Variants in XIRP2 observed in about 807,000 individuals in gnomAD.
XIRP2 encodes the protein xin actin-binding repeat-containing protein 2.
XIRP2 carries 236 observed loss-of-function variants against 277.0 expected under a neutral mutation model. That is an observed-to-expected ratio of 0.85 (90% confidence interval 0.77 to 0.95). The LOEUF is 0.95. Ranked by LOEUF, XIRP2 falls within the 40% of genes least tolerant of loss-of-function variation. XIRP2 has a pLI of 0.00. For missense variants in XIRP2, 4,640 were observed against 4,157.5 expected (o/e 1.12, Z -3.19); for synonymous variants, 1,490 against 1,416.5 (o/e 1.05, Z -1.17).
intron 2 of XIRP2, among the ~76,000 whole-genome samples, chr2:166,971,843 C>T (rs1336028635): frequency 6.6e-6 from 1 of 152,148 alleles, no homozygotes; most frequent in African/African-American, 2.4e-5. Context: ...TAGTTACCAA[C>T]TTGGGTGAAG....
intron 2 of XIRP2, among the ~76,000 whole-genome samples, chr2:167,055,457 G>T (rs1689017016): frequency 6.6e-6 from 1 of 152,110 alleles, no homozygotes; most frequent in South Asian, 2.1e-4. Flanking sequence ...TATTATATGG[G>T]TCATTTCATT....
At chr2:167,140,721 A>T (rs552641602) in intron 3 of XIRP2, 1 of 152,358 alleles carries the variant, frequency 6.6e-6, no homozygotes, top group East Asian at 1.9e-4. Flanking sequence ...TCACCATCTA[A>T]AACAATTCTG....
intron 2 of XIRP2, among the ~76,000 whole-genome samples, chr2:167,015,820 C>T (rs988408024): frequency 3.3e-5 from 5 of 151,812 alleles, no homozygotes; most frequent in Non-Finnish European, 5.9e-5. Flanking sequence ...CCTAAGTTGT[C>T]TTCTTCTGTC....
At chr2:167,136,858 A>G (rs1370388288) in intron 3 of XIRP2, among the ~76,000 whole-genome samples, 1 of 152,222 alleles carries the variant, frequency 6.6e-6, no homozygotes, top group African/African-American at 2.4e-5. Context: ...AGTCCATGTG[A>G]GCAATGTGGA....
At chr2:167,240,249 T>G (rs1307511716) in intron 6 of XIRP2, among the ~76,000 whole-genome samples, 2 of 151,922 alleles carry the variant, frequency 1.3e-5, no homozygotes, top group Non-Finnish European at 2.9e-5. Context: ...CTGTCTCTAC[T>G]AAAAATACAA....
intron 10 of XIRP2, among the ~76,000 whole-genome samples, chr2:167,255,282 A>T (rs1436034256): frequency 6.6e-6 from 1 of 151,842 alleles, no homozygotes; most frequent in Non-Finnish European, 1.5e-5. Flanking sequence ...TCAATGACTG[A>T]TATACTTCTC....
intron 2 of XIRP2, among the ~76,000 whole-genome samples, chr2:167,032,818 A>G (rs568389273): frequency 6.6e-6 from 1 of 152,326 alleles, no homozygotes; most frequent in East Asian, 1.9e-4. Flanking sequence ...AGATGTGGAG[A>G]AACAGGAATG....
intron 3 of XIRP2, among the ~76,000 whole-genome samples, chr2:167,176,907 G>C (rs1340947089): frequency 1.3e-5 from 2 of 152,138 alleles, no homozygotes; most frequent in Non-Finnish European, 2.9e-5. Flanking sequence ...GGAGGGATGT[G>C]TCTGTCTGCT....
Position 167,245,372 on chromosome 2 carries a change from G to A in XIRP2, c.3980G>A (p.Arg1327Gln), listed in dbSNP as rs755182993. 3.4e-5 allele frequency: 55 copies of A among 1,613,542 alleles called. No individual in the cohort carries two copies. The highest frequency in any genetic ancestry group is 3.1e-5 in the Non-Finnish European group (36 of 1,179,736). ...ETQPLYAIQD[R>Q]EGSYHEVTTV... is the part of the protein sequence containing the mutation. ...CAGCCACTCTATGCAATTCAAGACC[G>A]AGAAGGGTCCTATCATGAAGTGACC... The change falls in exon 9 of 11, where the codon CGA becomes CAA. Residue 1327 changes from arginine (R) to glutamine (Q), a missense_variant. Transcript: ENST00000409195.
chr2:167,180,925 T>A (rs1199679662), intron 3 of XIRP2, among the ~76,000 whole-genome samples: 1 of 152,230 alleles, frequency 6.6e-6, no homozygotes, highest in East Asian at 1.9e-4. Flanking sequence ...AAATCTTGAA[T>A]TACTGATACT....
Position 167,259,046 on chromosome 2 carries a change from C to T in XIRP2, c.*1229C>T. 6.2e-7 allele frequency: 1 copy of T among 1,610,344 alleles called. No homozygotes were observed. The highest frequency in any genetic ancestry group is 1.3e-5 in the African/African-American group (1 of 74,894). On this transcript the variant is annotated 3_prime_UTR_variant, in exon 11 of 11. Transcript: ENST00000409195. ...AAGCCATTCAAAGAGCAAAAATTTA[C>T]ACTTTTTCTTTTCTAACACCGTGAA...
intron 2 of XIRP2, among the ~76,000 whole-genome samples, chr2:167,067,737 GT>G (rs1689335906): frequency 1.3e-5 from 2 of 152,182 alleles, no homozygotes; most frequent in African/African-American, 4.8e-5. Context: ...CCTTCAATCT[GT>G]GAAAAATGCA....
chr2:166,985,818 C>T (rs555685378), intron 2 of XIRP2, among the ~76,000 whole-genome samples: 26 of 151,906 alleles, frequency 1.7e-4, no homozygotes, highest in African/African-American at 6.0e-4. Context: ...GAAAAAAAAA[C>T]CCATAATAAC....
In XIRP2 at chr2:167,136,953, G is replaced by A. The variant is rs369385339; in HGVS notation, c.562+891G>A. Among the ~76,000 whole-genome samples the A allele has an allele frequency of 7.2e-5, 11 of 152,308 alleles. No homozygotes were observed. In the East Asian group the frequency reaches 1.4e-3, roughly 19 times the overall value. On this transcript the variant is annotated intron_variant, in intron 3 of 10. Transcript: ENST00000409195. ...CTTTGTTATTGAAAGTGCTGTTTGC[G>A]AATCAGCACGTCAGCATCACCTGGA...
At position 167,057,279 on chromosome 2, in the gene XIRP2, A is replaced by C. The variant is rs148278094; in HGVS notation, c.409-78630A>C. ...CTGACATTCCAAACCAAAGAGTCCTAAGTTTTCGGATCACCAGGAAACCAC... is the reference window on the plus strand; with the variant it reads ...CTGACATTCCAAACCAAAGAGTCCTCAGTTTTCGGATCACCAGGAAACCAC... On this transcript the variant is annotated intron_variant, in intron 2 of 10. Coordinates refer to ENST00000409195, the MANE Select transcript of XIRP2 (RefSeq NM_152381.6). 3.9e-5 allele frequency among the ~76,000 whole-genome samples: 6 copies of C among 152,230 alleles called. No individual in the cohort carries two copies. The East Asian group carries it at 1.2e-3, about 29-fold the overall frequency.
Position 167,247,513 on chromosome 2 carries a change from A to T in XIRP2, c.6121A>T (p.Lys2041Ter). 1 of 1,613,806 alleles carries T rather than the reference A, an allele frequency of 6.2e-7. No homozygotes were observed. The highest frequency in any genetic ancestry group is 1.1e-5 in the South Asian group (1 of 91,082). Residue 2041 changes from lysine to a stop codon, truncating the protein, a stop_gained, in exon 9 of 11, where the codon AAA becomes TAA. Transcript: ENST00000409195. LOFTEE classifies it high-confidence loss of function. ...DREQNNDALE[K>*]SLRRLSNSHH... ...TGAACAAAACAATGATGCTCTGGAG[A>T]AAAGCCTTAGAAGACTATCTAATTC...
At chr2:167,191,895 A>G (rs901281728) in intron 3 of XIRP2, among the ~76,000 whole-genome samples, 1 of 152,246 alleles carries the variant, frequency 6.6e-6, no homozygotes, top group African/African-American at 2.4e-5. Flanking sequence ...ATCACTTAAA[A>G]TAAATGTAAT....
At chr2:167,206,048 G>GT (rs1422156928) in intron 3 of XIRP2, among the ~76,000 whole-genome samples, 2 of 152,084 alleles carry the variant, frequency 1.3e-5, no homozygotes, top group Non-Finnish European at 2.9e-5. Context: ...TACCTTTAGT[G>GT]TTCGGCGTTG....
chr2:167,099,566 AC>A (rs1182873355), intron 2 of XIRP2, among the ~76,000 whole-genome samples: 2 of 150,130 alleles, frequency 1.3e-5, no homozygotes, highest in South Asian at 2.1e-4. Context: ...ATGAAAAAAA[AC>A]CACAGCTAGC....
Sources: gnomAD v4.1 joint callset for allele counts (sites outside exome capture counted in the v4.1 genomes callset) on GRCh38, gnomAD v4.1.1 for gene constraint, MANE v1.5 for transcripts, NCBI Gene and HGNC (gene_info 2026-07-23, HGNC 2026-07-21) for gene names.